The following SPTBN4 variants were observed in gnomAD, a reference collection of about 807,000 sequenced individuals.
SPTBN4 encodes spectrin beta chain, non-erythrocytic 4.
Under a neutral mutation model 277.8 loss-of-function variants are expected in SPTBN4, and 96 were observed. The observed-to-expected ratio is 0.35, with a 90% CI of 0.29 to 0.41. SPTBN4 has a LOEUF of 0.41. Among genes scored for constraint, SPTBN4 ranks in the 10% least tolerant of loss-of-function variants. SPTBN4 has a pLI of 1.00. For missense variants in SPTBN4, 3,006 were observed against 3,595.7 expected, an observed-to-expected ratio of 0.84 and a Z score of 4.19; for synonymous variants, 1,481 against 1,580.3, an observed-to-expected ratio of 0.94 and a Z score of 1.49.
chr19:40,481,148 T>C (rs987316288), intron 2 of SPTBN4, among the ~76,000 whole-genome samples: 1 of 152,180 alleles, frequency 6.6e-6, no homozygotes, highest in Non-Finnish European at 1.5e-5. Flanking sequence ...TTGTTTCTGG[T>C]GGTTTACACC....
chr19:40,497,708 T>C (rs761989220), intron 7 of SPTBN4, 104 bp downstream of exon 7: 16 of 912,676 alleles, frequency 1.8e-5, no homozygotes, highest in Non-Finnish European at 2.6e-5. Context: ...TCCCAAATCC[T>C]GAGGCCTCTC....
intron 13 of SPTBN4, 65 bp from the exon 14 acceptor site, chr19:40,512,541 C>G: frequency 6.9e-7 from 1 of 1,442,648 alleles, no homozygotes; most frequent in Non-Finnish European, 9.1e-7. Flanking sequence ...GTAGCCCGCA[C>G]CATCCTCTCT....
intron 13 of SPTBN4, among the ~76,000 whole-genome samples, chr19:40,509,601 G>A (rs1173301731): frequency 6.6e-6 from 1 of 152,168 alleles, no homozygotes; most frequent in Admixed American, 6.6e-5. Flanking sequence ...GCTGACGGCA[G>A]TTGGGGCTGC....
chr19:40,570,442 C>G lies in SPTBN4; in HGVS notation c.7033C>G (p.Leu2345Val), dbSNP rs749678269. The change falls in exon 33 of 36, where the codon CTG becomes GTG. Residue 2345 changes from leucine to valine, a missense_variant. By Grantham distance (32) the Leu-to-Val change is conservative. This residue lies in a region of SPTBN4 where 630 missense variants were observed against 677.6 expected (regional missense o/e 0.93). Coordinates refer to ENST00000598249, the MANE Select transcript of SPTBN4 (RefSeq NM_020971.3). ...TCCCCCTCCCTTCACACAGCCGTCG[C>G]TGCCTCAGCCACGCGAGCTTCCCCC... ...AGPGLPAGPS[L>V]PQPRELPPGR... is the part of the protein sequence containing the mutation. 6.4e-7 allele frequency: 1 copy of G among 1,565,710 alleles called. No homozygotes were observed. Among genetic ancestry groups the G allele is most frequent in the South Asian group, 1.1e-5 (1 of 89,080 alleles).
chr19:40,522,783 G>C (rs2080543229), intron 16 of SPTBN4, among the ~76,000 whole-genome samples: 2 of 152,256 alleles, frequency 1.3e-5, no homozygotes, highest in South Asian at 4.2e-4. Context: ...GGGGAGGAGA[G>C]AGTAAACAAG....
intron 16 of SPTBN4, among the ~76,000 whole-genome samples, chr19:40,522,607 C>T (rs2080540890): frequency 6.6e-6 from 1 of 151,788 alleles, no homozygotes; most frequent in South Asian, 2.1e-4. Flanking sequence ...CCACCTCGGC[C>T]TCCCAAAGTG....
chr19:40,562,694 T>C (rs901832623), intron 27 of SPTBN4, among the ~76,000 whole-genome samples: 68 of 151,304 alleles, frequency 4.5e-4, no homozygotes, highest in African/African-American at 1.6e-3. Context: ...CTTAGCCGGG[T>C]GTGGTGGCAC....
At chr19:40,561,776 C>T (rs1220189289) in intron 27 of SPTBN4, among the ~76,000 whole-genome samples, 1 of 149,154 alleles carries the variant, frequency 6.7e-6, no homozygotes, top group Non-Finnish European at 1.5e-5. Context: ...GAGCCAAGAT[C>T]GTGCCACTGC....
At position 40,554,869 on chromosome 19, in the gene SPTBN4, G is replaced by T. The variant is rs1223977458; in HGVS notation, c.5084+223G>T. The T allele has an allele frequency of 1.0e-5, 6 of 581,528 alleles. No homozygotes were observed. The highest frequency in any genetic ancestry group is 9.9e-5 in the East Asian group (3 of 30,200). 36.0% of individuals were successfully genotyped at this position (581,528 alleles called of 1,614,324 possible). On this transcript the variant is annotated intron_variant, in intron 24 of 35. Coordinates refer to ENST00000598249, the MANE Select transcript of SPTBN4 (RefSeq NM_020971.3). The surrounding 1 kb of genome is among the most constrained non-coding windows in gnomAD (Gnocchi z 5.7). Reference sequence around the variant, plus strand: ...GGAGCACCTGGATTTGAGTGTAGTAGTGGGGACCTTGTCGGGGGAGAAAAG... The same window carrying T: ...GGAGCACCTGGATTTGAGTGTAGTATTGGGGACCTTGTCGGGGGAGAAAAG...
At chr19:40,528,566 C>T (rs1038236691) in intron 17 of SPTBN4, among the ~76,000 whole-genome samples, 11 of 152,196 alleles carry the variant, frequency 7.2e-5, no homozygotes, top group African/African-American at 2.2e-4. Flanking sequence ...CCTCCTGTCA[C>T]TTTCCCTCTC....
intron 20 of SPTBN4, among the ~76,000 whole-genome samples, chr19:40,542,192 G>T (rs1008916300): frequency 6.6e-6 from 1 of 152,178 alleles, no homozygotes; most frequent in Non-Finnish European, 1.5e-5. Flanking sequence ...AAAGTTCTGG[G>T]ATTACAGGCA....
chr19:40,471,682 C>T (rs1839741258), intron 1 of SPTBN4, among the ~76,000 whole-genome samples: 1 of 152,196 alleles, frequency 6.6e-6, no homozygotes, highest in South Asian at 2.1e-4. Context: ...AAGCCATCTT[C>T]CTGCCTCAGC....
In SPTBN4 at chr19:40,557,000, C is replaced by A. The variant is rs199687704; in HGVS notation, c.5290-23C>A. On this transcript the variant is annotated intron_variant, in intron 25 of 35. Transcript: ENST00000598249. ...CCCCTTTGCTCACTTTGCTGTACCC[C>A]CCCCCCCACTTCCTGATGGCAGGTG... 4.2e-5 allele frequency: 64 copies of A among 1,519,088 alleles called. 2 individuals are homozygous for A. The South Asian group carries it at 4.2e-4, about 10-fold the overall frequency. 94.1% of individuals were successfully genotyped at this position (1,519,088 alleles called of 1,614,324 possible).
At chr19:40,529,425 G>A (rs1469097971) in intron 18 of SPTBN4, among the ~76,000 whole-genome samples, 1 of 152,190 alleles carries the variant, frequency 6.6e-6, no homozygotes, top group Non-Finnish European at 1.5e-5. Flanking sequence ...TTTCTCTCCT[G>A]AGATTTGTGA....
At chr19:40,542,062 CA>C (rs1307256738) in intron 20 of SPTBN4, among the ~76,000 whole-genome samples, 5 of 152,166 alleles carry the variant, frequency 3.3e-5, no homozygotes, top group Non-Finnish European at 2.9e-5. Flanking sequence ...GTTGTGATTA[CA>C]GGCGTGAGCC....
Position 40,560,475 on chromosome 19 carries a change from C to T in SPTBN4, c.5915+72C>T. On this transcript the variant is annotated intron_variant, in intron 27 of 35. Transcript: ENST00000598249. This position sits in a 1 kb window ranked among gnomAD's most constrained non-coding sequence, Gnocchi z 5.2. ...ACCCCAGCCACCCCCAGCCCATTGA[C>T]AGCCCCCTTCTCAATGGAATGACAA... 1.9e-6 allele frequency: 3 copies of T among 1,607,128 alleles called. No individual in the cohort carries two copies. Among genetic ancestry groups the T allele is most frequent in the African/African-American group, 1.3e-5 (1 of 74,938 alleles).
At chr19:40,547,157 C>A (rs1313160037) in intron 20 of SPTBN4, among the ~76,000 whole-genome samples, 1 of 151,770 alleles carries the variant, frequency 6.6e-6, no homozygotes, top group Non-Finnish European at 1.5e-5. Flanking sequence ...TTAGGTATTT[C>A]TCTTAATGAT....
At chr19:40,545,432 AGT>A (rs769898404) in intron 20 of SPTBN4, among the ~76,000 whole-genome samples, 5 of 152,010 alleles carry the variant, frequency 3.3e-5, no homozygotes, top group Non-Finnish European at 7.4e-5. Flanking sequence ...TAGAAATGCA[AGT>A]GCTGGGTCAA....
At chr19:40,528,977 C>T (rs2080627938) in intron 17 of SPTBN4, 64 bp from the exon 18 acceptor site, 1 of 1,294,320 alleles carries the variant, frequency 7.7e-7, no homozygotes, top group African/African-American at 1.5e-5. Context: ...CCTCACAGTC[C>T]TACTGCCAGC....
Sources: gnomAD v4.1 joint callset for allele counts (sites outside exome capture counted in the v4.1 genomes callset) on GRCh38, gnomAD v4.1.1 for gene constraint, gnomAD v4.1.1 regional missense constraint, Gnocchi (gnomAD v3.1) non-coding constraint, MANE v1.5 for transcripts, NCBI Gene and HGNC (gene_info 2026-07-23, HGNC 2026-07-21) for gene names.